The following SEMA6D variants were observed in gnomAD, a reference collection of about 807,000 sequenced individuals.
SEMA6D encodes the protein semaphorin-6D.
A neutral mutation model predicts 106.6 loss-of-function variants in SEMA6D; 35 were observed. That is an observed-to-expected ratio of 0.33 (90% CI 0.25 to 0.44). The LOEUF (loss-of-function observed/expected upper bound fraction) is 0.44, where lower values mean the gene tolerates loss of function less well. Among genes scored for constraint, SEMA6D ranks in the 20% least tolerant of loss-of-function variants. SEMA6D has a pLI of 1.00. For missense variants in SEMA6D, 1,185 were observed against 1,345.9 expected (o/e 0.88, Z 1.87); for synonymous variants, 499 against 487.7 (o/e 1.02, Z -0.31).
intron 1 of SEMA6D, chr15:47,730,884 C>G: frequency 3.9e-6 from 4 of 1,023,614 alleles, no homozygotes; most frequent in Non-Finnish European, 6.0e-6. Flanking sequence ...TTCTTCACGA[C>G]TGCAGGGGCC....
intron 1 of SEMA6D, among the ~76,000 whole-genome samples, chr15:47,332,702 G>C (rs1028509231): frequency 2.0e-5 from 3 of 152,168 alleles, no homozygotes; most frequent in Non-Finnish European, 4.4e-5. Flanking sequence ...AGAGAGGCAT[G>C]CCTGGCCGTG....
chr15:47,368,534 G>T (rs1001030794), intron 1 of SEMA6D, among the ~76,000 whole-genome samples: 12 of 151,908 alleles, frequency 7.9e-5, no homozygotes, highest in Non-Finnish European at 2.9e-5. Flanking sequence ...GCAGTGGCGG[G>T]ATCTCGGCTC....
rs1267884939 is a variant in SEMA6D at position 47,402,762 on chromosome 15, T to C, written c.-238-9631T>C. ...GTGAGCCAGACTTTTTTTTTTTTTT[T>C]TTTTGGTTATGCATCTTTATTTCCC... is the stretch of plus-strand genomic sequence containing the variant. On this transcript the variant is annotated intron_variant, in intron 1 of 19. Coordinates refer to the SEMA6D transcript ENST00000558014. Among the ~76,000 whole-genome samples, 4 of 152,074 alleles carry C rather than the reference T, an allele frequency of 2.6e-5. No homozygotes were observed. In the East Asian group the frequency reaches 5.8e-4, roughly 22 times the overall value.
In SEMA6D at chr15:47,766,155, C is replaced by A; in HGVS notation, c.1619C>A (p.Ser540Tyr). ...TATTGTGGCTGGTTAAGCCAGGGATCCTGTGGTAGAGTGACCCCAGGGATG... is the reference window on the plus strand; with the variant it reads ...TATTGTGGCTGGTTAAGCCAGGGATACTGTGGTAGAGTGACCCCAGGGATG... ...DPYCGWLSQG[S>Y]CGRVTPGMLA... Residue 540 changes from serine to tyrosine, a missense_variant, in exon 15 of 19, where the codon TCC (serine) becomes TAC (tyrosine). Ser to Tyr is a moderately radical substitution (Grantham distance 144, BLOSUM62 -2). Coordinates refer to ENST00000536845, the MANE Select transcript of SEMA6D (RefSeq NM_001358351.3). 1 of 1,613,486 alleles carries A rather than the reference C, an allele frequency of 6.2e-7. No individual in the cohort carries two copies. The highest frequency in any genetic ancestry group is 8.5e-7 in the Non-Finnish European group (1 of 1,179,668).
chr15:47,707,582 G>C (rs1431303191), intron 4 of SEMA6D, among the ~76,000 whole-genome samples: 1 of 152,146 alleles, frequency 6.6e-6, no homozygotes, highest in Non-Finnish European at 1.5e-5. Context: ...CAGAGTCTAG[G>C]AATGTGAAGG....
intron 1 of SEMA6D, among the ~76,000 whole-genome samples, chr15:47,266,901 T>G (rs1000300578): frequency 6.6e-6 from 1 of 152,146 alleles, no homozygotes; most frequent in Non-Finnish European, 1.5e-5. Flanking sequence ...ATAAATGTTT[T>G]CTCATTTTCT....
chr15:47,461,307 G>A lies in SEMA6D; in HGVS notation c.-158-9167G>A, dbSNP rs115740249. On this transcript the variant is annotated intron_variant, in intron 2 of 19. Coordinates refer to the SEMA6D transcript ENST00000558014. Reference sequence around the variant, plus strand: ...ACTCTGAAATTGCCTTTATTCATTAGACTACTTCTTCATTGTCTCCCCACA... The same window carrying A: ...ACTCTGAAATTGCCTTTATTCATTAAACTACTTCTTCATTGTCTCCCCACA... Among the ~76,000 whole-genome samples the A allele has an allele frequency of 4.9e-3, 748 of 152,008 alleles. 7 individuals carry two copies. The highest frequency in any genetic ancestry group is 0.017 in the African/African-American group (721 of 41,478).
At chr15:47,255,221 T>C (rs1029059610) in intron 1 of SEMA6D, among the ~76,000 whole-genome samples, 2 of 152,102 alleles carry the variant, frequency 1.3e-5, no homozygotes, top group Non-Finnish European at 2.9e-5. Context: ...ATTTTCCAAT[T>C]TGTTGGTATA....
At chr15:47,366,272 G>C (rs1283586011) in intron 1 of SEMA6D, among the ~76,000 whole-genome samples, 1 of 152,204 alleles carries the variant, frequency 6.6e-6, no homozygotes, top group Non-Finnish European at 1.5e-5. Flanking sequence ...GATACAGAGA[G>C]TGCACTGTGA....
chr15:47,338,541 A>C (rs939863465), intron 1 of SEMA6D, among the ~76,000 whole-genome samples: 4 of 152,174 alleles, frequency 2.6e-5, no homozygotes, highest in African/African-American at 9.7e-5. Flanking sequence ...AATTAGAAAA[A>C]AATTATGGGA....
At chr15:47,351,169 T>C (rs17360643) in intron 1 of SEMA6D, among the ~76,000 whole-genome samples, 1,686 of 152,306 alleles carry the variant, frequency 0.011, 13 homozygotes, top group Non-Finnish European at 0.014. Context: ...CTCATTTCTA[T>C]GTGTTTATAT....
chr15:47,513,380 T>C (rs2044291244), intron 3 of SEMA6D, among the ~76,000 whole-genome samples: 1 of 152,184 alleles, frequency 6.6e-6, no homozygotes, highest in African/African-American at 2.4e-5. Flanking sequence ...AATCTTACAG[T>C]ACTAATCTCT....
At chr15:47,435,005 T>C (rs544524657) in intron 2 of SEMA6D, among the ~76,000 whole-genome samples, 1 of 152,260 alleles carries the variant, frequency 6.6e-6, no homozygotes, top group Admixed American at 6.5e-5. Context: ...AGATAATAAA[T>C]GTTAAAAATA....
At chr15:47,364,140 G>T (rs1368393910) in intron 1 of SEMA6D, among the ~76,000 whole-genome samples, 1 of 152,194 alleles carries the variant, frequency 6.6e-6, no homozygotes, top group African/African-American at 2.4e-5. Flanking sequence ...TAAGAGTCAG[G>T]TTCAGCTGAG....
At chr15:47,557,022 A>C (rs2045934926) in intron 3 of SEMA6D, among the ~76,000 whole-genome samples, 1 of 150,764 alleles carries the variant, frequency 6.6e-6, no homozygotes, top group African/African-American at 2.5e-5. Context: ...TCATGATTAA[A>C]AGAGACAATG....
chr15:47,664,281 T>C (rs1369160600), intron 4 of SEMA6D, among the ~76,000 whole-genome samples: 1 of 152,142 alleles, frequency 6.6e-6, no homozygotes, highest in African/African-American at 2.4e-5. Context: ...AACAGAGGAA[T>C]TTGCTCTGCT....
chr15:47,714,533 G>A (rs747337010), upstream of SEMA6D, among the ~76,000 whole-genome samples: 5 of 152,138 alleles, frequency 3.3e-5, no homozygotes, highest in Non-Finnish European at 2.9e-5. Flanking sequence ...TCAGATGACC[G>A]TTATGCTTCA....
chr15:47,675,165 T>C (rs2078217840), intron 4 of SEMA6D, among the ~76,000 whole-genome samples: 6 of 152,204 alleles, frequency 3.9e-5, no homozygotes, highest in Admixed American at 3.9e-4. Context: ...GCATACATAA[T>C]TTAGGATGAT....
chr15:47,382,357 A>G (rs2039669200), intron 1 of SEMA6D, among the ~76,000 whole-genome samples: 1 of 152,070 alleles, frequency 6.6e-6, no homozygotes, highest in Non-Finnish European at 1.5e-5. Flanking sequence ...AAATACAAAA[A>G]AAATTAGCCA....
Sources: gnomAD v4.1 joint callset for allele counts (sites outside exome capture counted in the v4.1 genomes callset) on GRCh38, gnomAD v4.1.1 for gene constraint, MANE v1.5 for transcripts, NCBI Gene and HGNC (gene_info 2026-07-23, HGNC 2026-07-21) for gene names.